DLG2: variants seen among roughly 807,000 people sequenced by gnomAD.
DLG2 encodes the protein discs large MAGUK scaffold protein 2.
DLG2 carries 45 observed loss-of-function variants against 132.5 expected under a neutral mutation model. The observed-to-expected ratio is 0.34, with a 90% CI of 0.27 to 0.44. The LOEUF (loss-of-function observed/expected upper bound fraction) is 0.44, where lower values mean the gene tolerates loss of function less well. DLG2 is among the 20% of genes least tolerant of loss of function. DLG2 has a pLI of 1.00. For synonymous variants in DLG2, 424 were observed against 419.6 expected (o/e 1.01, Z -0.13); for missense variants, 1,045 against 1,196.9 (o/e 0.87, Z 1.87).
chr11:84,095,102 G>A (rs927572774), intron 10 of DLG2, among the ~76,000 whole-genome samples: 2 of 151,934 alleles, frequency 1.3e-5, no homozygotes, highest in African/African-American at 4.8e-5. Flanking sequence ...AGGAAACTTA[G>A]GGAAGAACAC....
intron 7 of DLG2, among the ~76,000 whole-genome samples, chr11:84,323,762 T>G (rs1310099581): frequency 6.8e-6 from 1 of 146,326 alleles, no homozygotes. Flanking sequence ...TTCTAACAGG[T>G]GTGAGGTGAT....
intron 6 of DLG2, among the ~76,000 whole-genome samples, chr11:84,966,810 C>T (rs546707994): frequency 2.0e-4 from 31 of 152,066 alleles, no homozygotes; most frequent in African/African-American, 6.5e-4. Context: ...CTACAGTACA[C>T]GGGAAAACAG....
At chr11:84,490,670 C>T (rs909920292) in intron 7 of DLG2, among the ~76,000 whole-genome samples, 3 of 148,710 alleles carry the variant, frequency 2.0e-5, no homozygotes, top group South Asian at 2.1e-4. Flanking sequence ...AAAAAAAACC[C>T]GACAGATTTA....
chr11:84,747,997 C>A (rs1366429557), intron 6 of DLG2, among the ~76,000 whole-genome samples: 4 of 152,120 alleles, frequency 2.6e-5, no homozygotes, highest in African/African-American at 9.7e-5. Flanking sequence ...GTGAGCACAC[C>A]ATATAGGCTG....
intron 11 of DLG2, among the ~76,000 whole-genome samples, chr11:84,012,000 C>A (rs1455335236): frequency 2.0e-5 from 3 of 152,032 alleles, no homozygotes; most frequent in Non-Finnish European, 4.4e-5. Flanking sequence ...CAATAGTTTG[C>A]TAGATGAAGA....
intron 17 of DLG2, among the ~76,000 whole-genome samples, chr11:83,787,353 G>A (rs926767460): frequency 4.2e-5 from 5 of 120,426 alleles, no homozygotes; most frequent in South Asian, 5.5e-4. Context: ...ACAGAGTCTC[G>A]CTCTTTCGCC....
chr11:83,459,923 A>G lies in DLG2; in HGVS notation c.2823T>C (p.Ala941=), dbSNP rs2089553669. Residue 941 remains alanine (A), a splice_region_variant and synonymous_variant, in exon 28 of 28, where the codon GCT becomes GCC. Transcript: ENST00000376104. ...LEQEFGEYFT[A]IVQGDTLEDI... ...CTTCTAAAGTATCTCCTTGGACAAT[A>G]GCTGTAACAAAAGCAAACACACCCA... The G allele has an allele frequency of 6.5e-7, 1 of 1,544,010 alleles. No individual in the cohort carries two copies. Among genetic ancestry groups the G allele is most frequent in the Non-Finnish European group, 8.9e-7 (1 of 1,119,508 alleles).
At chr11:85,353,170 C>T (rs538592545) in intron 3 of DLG2, among the ~76,000 whole-genome samples, 5 of 151,622 alleles carry the variant, frequency 3.3e-5, no homozygotes, top group African/African-American at 9.7e-5. Context: ...ATCAAAAAGT[C>T]GGCAAAGGAT....
At chr11:83,953,681 A>G (rs539398967) in intron 14 of DLG2, among the ~76,000 whole-genome samples, 14 of 152,236 alleles carry the variant, frequency 9.2e-5, no homozygotes, top group Non-Finnish European at 1.6e-4. Flanking sequence ...TTCTTGTCCT[A>G]TATTATCACC....
At chr11:85,403,164 A>G (rs71251625) in intron 3 of DLG2, among the ~76,000 whole-genome samples, 1 of 152,204 alleles carries the variant, frequency 6.6e-6, no homozygotes, top group African/African-American at 2.4e-5. Context: ...ATGCAGCCAT[A>G]AAAATGGATG....
At chr11:84,264,586 G>A (rs2097588561) in intron 7 of DLG2, among the ~76,000 whole-genome samples, 1 of 152,160 alleles carries the variant, frequency 6.6e-6, no homozygotes, top group Non-Finnish European at 1.5e-5. Flanking sequence ...TCTGTCACAA[G>A]TTGGAGAGTG....
intron 6 of DLG2, among the ~76,000 whole-genome samples, chr11:84,743,488 A>G (rs898129768): frequency 6.6e-6 from 1 of 152,164 alleles, no homozygotes; most frequent in Non-Finnish European, 1.5e-5. Context: ...GACACTTCAG[A>G]TATTAAACTA....
intron 6 of DLG2, among the ~76,000 whole-genome samples, chr11:85,028,713 G>C (rs1256887321): frequency 6.6e-6 from 1 of 152,202 alleles, no homozygotes; most frequent in Non-Finnish European, 1.5e-5. Context: ...AGTGGGGGCA[G>C]GCACTTCTGA....
At chr11:84,394,524 T>C (rs778356769) in intron 7 of DLG2, among the ~76,000 whole-genome samples, 21 of 152,172 alleles carry the variant, frequency 1.4e-4, no homozygotes, top group Non-Finnish European at 2.2e-4. Flanking sequence ...ATGCTATGTC[T>C]GGGTGCAGAC....
intron 18 of DLG2, among the ~76,000 whole-genome samples, chr11:83,753,731 AT>A (rs1566829455): frequency 7.1e-6 from 1 of 140,278 alleles, no homozygotes; most frequent in Non-Finnish European, 1.5e-5. Context: ...GACACTATAT[AT>A]ATGATATATA....
chr11:84,285,332 T>C (rs1323568135), intron 7 of DLG2, among the ~76,000 whole-genome samples: 1 of 152,090 alleles, frequency 6.6e-6, no homozygotes, highest in Non-Finnish European at 1.5e-5. Context: ...ATCAAGACCC[T>C]CTGATGGAAT....
chr11:83,790,836 AT>A (rs2041337790), intron 17 of DLG2: 2 of 752,556 alleles, frequency 2.7e-6, no homozygotes, highest in Admixed American at 3.6e-5. Context: ...AGAGACTTCC[AT>A]GGTAGAAGAA....
In DLG2 at chr11:84,091,673, G is replaced by C. The variant is rs113765910; in HGVS notation, c.749+7250C>G. On this transcript the variant is annotated intron_variant, in intron 10 of 27. Coordinates refer to ENST00000376104, the MANE Select transcript of DLG2 (RefSeq NM_001142699.3). ...ATGACAATTTACCACAAATTAATCA[G>C]TTTAAGACAACATATACTTATTATC... Among the ~76,000 whole-genome samples, 245 of 152,284 alleles carry C rather than the reference G, an allele frequency of 1.6e-3. 1 individual carries two copies. The highest frequency in any genetic ancestry group is 5.7e-3 in the African/African-American group (238 of 41,564).
At chr11:83,466,039 T>C (rs778105608) in intron 26 of DLG2, among the ~76,000 whole-genome samples, 1 of 152,122 alleles carries the variant, frequency 6.6e-6, no homozygotes, top group African/African-American at 2.4e-5. Context: ...ACAAGTCCTT[T>C]GGAGGGGAAA....
Sources: allele counts gnomAD v4.1 joint callset (sites outside exome capture counted in the v4.1 genomes callset), GRCh38; gene constraint gnomAD v4.1.1; transcripts MANE v1.5; gene names NCBI Gene and HGNC (gene_info 2026-07-23, HGNC 2026-07-21).